Variants in PDXDC1 observed in about 807,000 individuals in gnomAD.
PDXDC1 encodes the protein pyridoxal dependent decarboxylase domain containing 1, also known as pyridoxal-dependent decarboxylase domain-containing protein 1.
A neutral mutation model predicts 100.1 loss-of-function variants in PDXDC1; 42 were observed. The observed-to-expected ratio is 0.42, with a 90% CI of 0.33 to 0.54. The LOEUF (loss-of-function observed/expected upper bound fraction) is 0.54. Among genes scored for constraint, PDXDC1 ranks in the 20% least tolerant of loss-of-function variants. PDXDC1 has a pLI of 0.10. For missense variants in PDXDC1, 636 were observed against 979.2 expected (o/e 0.65, Z 4.68); for synonymous variants, 260 against 371.7 (o/e 0.70, Z 3.46).
chr16:14,983,912 C>G (rs1367067711), intron 1 of PDXDC1, among the ~76,000 whole-genome samples: 2 of 152,230 alleles, frequency 1.3e-5, no homozygotes, highest in Non-Finnish European at 2.9e-5. Context: ...CCTGTAATTT[C>G]AACACTTTGG....
At chr16:15,042,511 G>C (rs1266693631), downstream of PDXDC1, among the ~76,000 whole-genome samples, 1 of 152,002 alleles carries the variant, frequency 6.6e-6, no homozygotes, top group African/African-American at 2.4e-5. Context: ...ATCCTGATTT[G>C]CTTGTGCATA....
intron 16 of PDXDC1, among the ~76,000 whole-genome samples, chr16:15,124,941 G>A (rs2047624076): frequency 2.0e-5 from 3 of 151,468 alleles, no homozygotes; most frequent in South Asian, 2.1e-4. Flanking sequence ...GAGGTTAGGA[G>A]TTCGAGACCA....
At chr16:15,082,400 C>T (rs1467172200) in intron 16 of PDXDC1, among the ~76,000 whole-genome samples, 6 of 152,134 alleles carry the variant, frequency 3.9e-5, no homozygotes, top group Admixed American at 3.3e-4. Context: ...CGGCCGGTCA[C>T]GGTGGTTCAC....
intron 16 of PDXDC1, chr16:15,076,636 C>A (rs751529637): frequency 1.7e-5 from 28 of 1,609,130 alleles, no homozygotes; most frequent in Non-Finnish European, 2.4e-5. Flanking sequence ...CAATACCCTG[C>A]CGGGATGCAT....
intron 16 of PDXDC1, among the ~76,000 whole-genome samples, chr16:15,129,041 G>T (rs888507941): frequency 6.6e-6 from 1 of 151,512 alleles, no homozygotes; most frequent in Non-Finnish European, 1.5e-5. Context: ...TCCTGACCCC[G>T]TGATTTGCCT....
chr16:15,086,122 G>A, intron 16 of PDXDC1: 1 of 1,605,774 alleles, frequency 6.2e-7, no homozygotes, highest in South Asian at 1.1e-5. Context: ...TCCAAGCAAT[G>A]ACTTACGAGG....
intron 16 of PDXDC1, chr16:15,133,725 A>G: frequency 6.2e-7 from 1 of 1,603,202 alleles, no homozygotes; most frequent in Non-Finnish European, 8.5e-7. Flanking sequence ...TCCCCATGGC[A>G]TCACGGGAGG....
At chr16:15,084,649 CAT>C (rs2045843263) in intron 16 of PDXDC1, 1 of 1,605,940 alleles carries the variant, frequency 6.2e-7, no homozygotes. Flanking sequence ...CACGATGGTA[CAT>C]ATCTTGCTAT....
intron 16 of PDXDC1, among the ~76,000 whole-genome samples, chr16:15,125,071 C>T (rs1435935304): frequency 7.3e-4 from 105 of 143,544 alleles, no homozygotes; most frequent in Admixed American, 6.4e-4. Flanking sequence ...CCCTTGAACC[C>T]GGGAGGCGGA....
chr16:15,128,298 G>A (rs1422459628), intron 16 of PDXDC1: 1 of 1,610,188 alleles, frequency 6.2e-7, no homozygotes, highest in Non-Finnish European at 8.5e-7. Flanking sequence ...TGTCCAGGCT[G>A]TTGCGGTGGA....
chr16:15,009,596 T>G (rs1261774993), intron 7 of PDXDC1, 85 bp from the exon 8 acceptor site: 2 of 1,573,860 alleles, frequency 1.3e-6, no homozygotes, highest in Admixed American at 3.9e-5. Context: ...TTGAGAGTTA[T>G]CTGCTTCTTT....
chr16:15,095,337 A>C (rs1215562321), intron 16 of PDXDC1, among the ~76,000 whole-genome samples: 2 of 152,140 alleles, frequency 1.3e-5, no homozygotes. Flanking sequence ...TATCAAAAAT[A>C]CAAAAATATC....
At chr16:15,073,648 A>G (rs2045334490) in intron 16 of PDXDC1, among the ~76,000 whole-genome samples, 1 of 152,236 alleles carries the variant, frequency 6.6e-6, no homozygotes, top group Admixed American at 6.5e-5. Flanking sequence ...TCGTGTAGCA[A>G]AAGACCTCTA....
intron 12 of PDXDC1, among the ~76,000 whole-genome samples, chr16:15,021,049 C>T (rs1243313750): frequency 2.0e-5 from 3 of 152,212 alleles, no homozygotes; most frequent in Admixed American, 6.5e-5. Context: ...GTAGTCCCTT[C>T]GTTCATCATA....
rs533089462 is a variant in PDXDC1 at position 15,112,126 on chromosome 16, T to G, written c.1400-26753T>G. ...TTATCACAGTATGCTTTTAATCTTC[T>G]CAGATATTAAGTATTTGTTCTCATC... On this transcript the variant is annotated intron_variant, in intron 16 of 16. Transcript: ENST00000535621. Among the ~76,000 whole-genome samples, 330 of 147,142 alleles carry G rather than the reference T, an allele frequency of 2.2e-3. 5 individuals are homozygous for G. The highest frequency in any genetic ancestry group is 3.6e-3 in the South Asian group (16 of 4,492).
At chr16:15,094,541 G>T (rs2046283215) in intron 16 of PDXDC1, 1 of 467,164 alleles carries the variant, frequency 2.1e-6, no homozygotes, top group African/African-American at 2.1e-5. Context: ...CTGTGGCCGG[G>T]TACACTCAAG....
At chr16:15,054,464 A>G (rs1028554486) in intron 16 of PDXDC1, among the ~76,000 whole-genome samples, 1 of 152,220 alleles carries the variant, frequency 6.6e-6, no homozygotes, top group Non-Finnish European at 1.5e-5. Context: ...TAAATTCTTC[A>G]GGCGGCTGAA....
At chr16:15,150,347 C>G in the PDXDC1 span, among the ~76,000 whole-genome samples, 2 of 141,112 alleles carry the variant, frequency 1.4e-5, no homozygotes. Context: ...TCTCAAATAA[C>G]AATAAATAAA....
chr16:15,068,866 G>A (rs2045097255), intron 16 of PDXDC1, among the ~76,000 whole-genome samples: 1 of 152,128 alleles, frequency 6.6e-6, no homozygotes, highest in Admixed American at 6.5e-5. Flanking sequence ...TTTATTTTAA[G>A]AGGCAAGCTG....
Sources: gnomAD v4.1 joint callset for allele counts (sites outside exome capture counted in the v4.1 genomes callset) on GRCh38, gnomAD v4.1.1 for gene constraint, MANE v1.5 for transcripts, NCBI Gene and HGNC (gene_info 2026-07-23, HGNC 2026-07-21) for gene names.